The following DLGAP2 variants were observed in gnomAD, a reference collection of about 807,000 sequenced individuals.
The protein encoded by DLGAP2 is disks large-associated protein 2.
A neutral mutation model predicts 100.3 loss-of-function variants in DLGAP2; 26 were observed. The observed-to-expected ratio is 0.26, with a 90% CI of 0.19 to 0.36. The LOEUF is 0.36. Among genes scored for constraint, DLGAP2 ranks in the 10% least tolerant of loss-of-function variants. DLGAP2 has a pLI of 1.00. For missense variants in DLGAP2, 1,858 were observed against 1,453.2 expected, an observed-to-expected ratio of 1.28 and a Z score of -4.53; for synonymous variants, 886 against 630.1, an observed-to-expected ratio of 1.41 and a Z score of -6.08.
chr8:1,039,210 G>GCGTGGTCAGCTCGGTTTC (rs1481788004), intron 2 of DLGAP2, among the ~76,000 whole-genome samples: 6 of 129,488 alleles, frequency 4.6e-5, no homozygotes, highest in East Asian at 2.6e-4. Context: ...AGCTCGGTGT[G>GCGTGGTCAGCTCGGTTTC]CGTGGTCAGC....
intron 2 of DLGAP2, among the ~76,000 whole-genome samples, chr8:1,175,905 C>T (rs61658473): frequency 0.039 from 5,894 of 152,250 alleles, 161 homozygotes; most frequent in East Asian, 0.13. Context: ...ATGGGGAGGT[C>T]GCATCCTCCC....
intron 3 of DLGAP2, among the ~76,000 whole-genome samples, chr8:1,338,121 G>A (rs969241539): frequency 1.7e-4 from 26 of 152,328 alleles, no homozygotes; most frequent in African/African-American, 6.0e-4. Context: ...GGTTTAGTTA[G>A]GAAATTCCAC....
At chr8:744,630 C>T (rs1820570451) in intron 1 of DLGAP2, among the ~76,000 whole-genome samples, 2 of 150,576 alleles carry the variant, frequency 1.3e-5, no homozygotes, top group Admixed American at 6.6e-5. Flanking sequence ...ACGTCGCCCT[C>T]CCGGGGTGCT....
intron 3 of DLGAP2, among the ~76,000 whole-genome samples, chr8:1,307,685 C>T (rs1163207365): frequency 1.3e-5 from 2 of 152,134 alleles, no homozygotes; most frequent in African/African-American, 2.4e-5. Flanking sequence ...AACATTTAGC[C>T]TTAAAAAGAA....
chr8:1,522,855 T>C (rs771880494), intron 4 of DLGAP2, among the ~76,000 whole-genome samples: 8 of 152,218 alleles, frequency 5.3e-5, no homozygotes, highest in Non-Finnish European at 8.8e-5. Context: ...GGCTATTATA[T>C]GATATGATAT....
chr8:852,141 A>G (rs539119902), intron 1 of DLGAP2, among the ~76,000 whole-genome samples: 11 of 150,432 alleles, frequency 7.3e-5, no homozygotes, highest in Admixed American at 2.7e-4. Flanking sequence ...GAAGGGACAC[A>G]TTGGAAGCTA....
chr8:1,392,922 T>A (rs1796406529), intron 3 of DLGAP2, among the ~76,000 whole-genome samples: 1 of 132,194 alleles, frequency 7.6e-6, no homozygotes, highest in Admixed American at 7.8e-5. Context: ...CTGTGACTCT[T>A]TTTTTACAAC....
chr8:1,118,065 A>G (rs961067179), intron 2 of DLGAP2, among the ~76,000 whole-genome samples: 2 of 152,208 alleles, frequency 1.3e-5, no homozygotes, highest in African/African-American at 4.8e-5. Context: ...AGTGGTTTTG[A>G]CCTGAATGCT....
intron 2 of DLGAP2, among the ~76,000 whole-genome samples, chr8:1,194,227 A>G (rs558753533): frequency 2.0e-5 from 3 of 152,098 alleles, no homozygotes; most frequent in African/African-American, 4.8e-5. Flanking sequence ...CCGACTCAGG[A>G]GGAGCTCAGC....
intron 12 of DLGAP2, chr8:1,688,145 A>C (rs1269938163): frequency 1.3e-5 from 2 of 149,896 alleles, no homozygotes; most frequent in African/African-American, 2.5e-5. Flanking sequence ...CACTCCCCTC[A>C]CCCCCAGACT....
At chr8:1,146,485 G>A (rs968182979) in intron 2 of DLGAP2, among the ~76,000 whole-genome samples, 12 of 152,172 alleles carry the variant, frequency 7.9e-5, no homozygotes, top group Non-Finnish European at 2.9e-5. Context: ...ATTATCCTTT[G>A]TAGTTAGAAC....
At chr8:765,579 AAC>A (rs1821188924) in intron 1 of DLGAP2, among the ~76,000 whole-genome samples, 1 of 152,144 alleles carries the variant, frequency 6.6e-6, no homozygotes, top group Non-Finnish European at 1.5e-5. Flanking sequence ...TTATATTGAA[AAC>A]AGCACCCCAA....
At chr8:987,980 A>T (rs535134431) in intron 2 of DLGAP2, among the ~76,000 whole-genome samples, 1 of 152,326 alleles carries the variant, frequency 6.6e-6, no homozygotes, top group South Asian at 2.1e-4. Context: ...ATATCCATCA[A>T]AACAAGTCTG....
intron 2 of DLGAP2, among the ~76,000 whole-genome samples, chr8:1,240,376 G>A (rs909748838): frequency 6.9e-6 from 1 of 145,118 alleles, no homozygotes; most frequent in East Asian, 2.1e-4. Flanking sequence ...ACAGAGCATC[G>A]TGTCTGGTTC....
At chr8:919,269 G>A (rs1236481585) in intron 2 of DLGAP2, among the ~76,000 whole-genome samples, 2 of 152,214 alleles carry the variant, frequency 1.3e-5, no homozygotes, top group Admixed American at 1.3e-4. Flanking sequence ...AGGAAAAACA[G>A]CCGTCCTGTC....
chr8:1,601,882 T>A (rs918449847), intron 6 of DLGAP2, among the ~76,000 whole-genome samples: 1 of 152,076 alleles, frequency 6.6e-6, no homozygotes, highest in Non-Finnish European at 1.5e-5. Context: ...GAGACATTTT[T>A]TTCACCAGGC....
At chr8:990,037 A>G (rs1423495953) in intron 2 of DLGAP2, among the ~76,000 whole-genome samples, 1 of 152,100 alleles carries the variant, frequency 6.6e-6, no homozygotes, top group Non-Finnish European at 1.5e-5. Flanking sequence ...CTGTGCCAGC[A>G]TGATGGCTTC....
rs535282200 is a variant in DLGAP2, at chr8:1,691,816, G to A, written c.2796+190G>A. 2.2e-4 allele frequency among the ~76,000 whole-genome samples: 34 copies of A among 151,582 alleles called. 1 individual carries two copies. The highest frequency in any genetic ancestry group is 7.8e-4 in the African/African-American group (32 of 41,264). On this transcript the variant is annotated intron_variant, in intron 13 of 14. Coordinates refer to ENST00000637795, the MANE Select transcript of DLGAP2 (RefSeq NM_001346810.2). ...TCGGCCCTGGTTTAAACGCGGTACC[G>A]AGGCAGGGAGGCGGATACGGCCCTG...
chr8:1,518,676 G>T (rs1302197755), intron 4 of DLGAP2, among the ~76,000 whole-genome samples: 2 of 152,112 alleles, frequency 1.3e-5, no homozygotes, highest in East Asian at 1.9e-4. Context: ...CATGGACAAT[G>T]GTTCTTGAGT....
Sources: gnomAD v4.1 joint callset for allele counts (sites outside exome capture counted in the v4.1 genomes callset) on GRCh38, gnomAD v4.1.1 for gene constraint, MANE v1.5 for transcripts, NCBI Gene and HGNC (gene_info 2026-07-23, HGNC 2026-07-21) for gene names.